The following VCPIP1 variants were observed in gnomAD, a reference collection of about 807,000 sequenced individuals.
The protein encoded by VCPIP1 is valosin containing protein interacting protein 1.
In VCPIP1, 8 loss-of-function variants were observed where a neutral mutation model predicts 85.0. The ratio of observed to expected loss-of-function variants is 0.09; its 90% CI spans 0.06 to 0.17. VCPIP1 has a LOEUF of 0.17. Among genes scored for constraint, VCPIP1 ranks in the 10% least tolerant of loss-of-function variants. VCPIP1 has a pLI of 1.00. For synonymous variants in VCPIP1, 543 were observed against 544.5 expected, an observed-to-expected ratio of 1.00 and a Z score of 0.04; for missense variants, 1,070 against 1,486.3, an observed-to-expected ratio of 0.72 and a Z score of 4.61.
At chr8:66,659,199 A>T (rs1027500914) in intron 1 of VCPIP1, among the ~76,000 whole-genome samples, 1 of 144,902 alleles carries the variant, frequency 6.9e-6, no homozygotes, top group Non-Finnish European at 1.5e-5. Flanking sequence ...TCTACAAGAA[A>T]TTTTTTTTTT....
chr8:66,647,203 C>T (rs1245873360), intron 2 of VCPIP1, among the ~76,000 whole-genome samples: 3 of 150,664 alleles, frequency 2.0e-5, no homozygotes, highest in Admixed American at 1.3e-4. Context: ...TAGCCAGGCG[C>T]GGTGGCAGGC....
intron 2 of VCPIP1, among the ~76,000 whole-genome samples, chr8:66,638,449 T>C (rs1175764362): frequency 5.9e-5 from 8 of 135,656 alleles, no homozygotes; most frequent in African/African-American, 2.2e-4. Flanking sequence ...ATCATACCAC[T>C]GCGCTCCAGC....
At chr8:66,650,286 T>C (rs1044076315) in intron 2 of VCPIP1, among the ~76,000 whole-genome samples, 1 of 152,186 alleles carries the variant, frequency 6.6e-6, no homozygotes, top group Non-Finnish European at 1.5e-5. Flanking sequence ...CTTGCTACTT[T>C]TGTATATGTT....
intron 2 of VCPIP1, among the ~76,000 whole-genome samples, chr8:66,636,530 G>A (rs1240661172): frequency 2.0e-5 from 3 of 152,000 alleles, no homozygotes; most frequent in African/African-American, 7.3e-5. Context: ...AGATCATGAG[G>A]TCAGGAGTTT....
chr8:66,659,199 A>AT (rs34749864), intron 1 of VCPIP1, among the ~76,000 whole-genome samples: 190 of 144,912 alleles, frequency 1.3e-3, no homozygotes, highest in Middle Eastern at 0.011. Context: ...TCTACAAGAA[A>AT]TTTTTTTTTT....
At chr8:66,643,088 C>T (rs1449280934) in intron 2 of VCPIP1, among the ~76,000 whole-genome samples, 1 of 151,812 alleles carries the variant, frequency 6.6e-6, no homozygotes, top group African/African-American at 2.4e-5. Context: ...TTTGGGAGCC[C>T]GAGGTGTGCA....
rs1448544151 is a variant in VCPIP1, at chr8:66,665,713, C to A, written c.1246G>T (p.Ala416Ser). 1.9e-6 allele frequency: 3 copies of A among 1,614,126 alleles called. No homozygotes were observed. Among genetic ancestry groups the A allele is most frequent in the East Asian group, 4.5e-5 (2 of 44,894 alleles). ...QDKYLLRLVAAMEEVFMDKHG... is the reference protein window; with the variant it reads ...QDKYLLRLVASMEEVFMDKHG... ...TTGTCCATAAAGACTTCTTCCATAGCAGCAACAAGCCTAAGTAAGTATTTA... is the reference window on the plus strand; with the variant it reads ...TTGTCCATAAAGACTTCTTCCATAGAAGCAACAAGCCTAAGTAAGTATTTA... Residue 416 changes from alanine (A) to serine (S), a missense_variant, in exon 1 of 3, where the codon GCT becomes TCT. Ala to Ser is a moderately conservative substitution (Grantham distance 99, BLOSUM62 1). This residue lies in a region of VCPIP1 where 83 missense variants were observed against 134.6 expected (regional missense o/e 0.62). Coordinates refer to ENST00000310421, the MANE Select transcript of VCPIP1 (RefSeq NM_025054.5). The surrounding 1 kb of genome is among the most constrained non-coding windows in gnomAD (Gnocchi z 4.3).
At chr8:66,653,805 A>C (rs927121646) in intron 1 of VCPIP1, among the ~76,000 whole-genome samples, 11 of 152,176 alleles carry the variant, frequency 7.2e-5, no homozygotes, top group African/African-American at 1.2e-4. Flanking sequence ...CCATGTCCTC[A>C]TGATATTTGA....
In VCPIP1 at chr8:66,665,654, G is replaced by A. The variant is rs766411660; in HGVS notation, c.1305C>T (p.Val435=). 3 of 1,613,992 alleles carry A rather than the reference G, an allele frequency of 1.9e-6. No homozygotes were observed. In the South Asian group the frequency reaches 3.3e-5, roughly 18 times the overall value. ...CAGTCCTTCTGTAGAAATACTGATG[G>A]ACATCAGCAACCAAACTAGGATGGA... ...HGIHPSLVAD[V]HQYFYRRTGV... The change falls in exon 1 of 3, where the codon GTC becomes GTT. Residue 435 remains valine (V), a synonymous_variant. Transcript: ENST00000310421. This position sits in a 1 kb window ranked among gnomAD's most constrained non-coding sequence, Gnocchi z 4.3.
intron 2 of VCPIP1, among the ~76,000 whole-genome samples, chr8:66,646,072 AT>A (rs111341096): frequency 0.012 from 1,695 of 139,916 alleles, 12 homozygotes; most frequent in African/African-American, 0.032. Context: ...GTCAAAATGC[AT>A]TTTTTTTTTT....
At position 66,665,788 on chromosome 8, in the gene VCPIP1, G is replaced by A. The variant is rs577985836; in HGVS notation, c.1171C>T (p.Leu391Phe). ...PQDLIKKYIK[L>F]EEDGGCVIGG... ...ATAACACAACCACCATCCTCTTCAA[G>A]TTTTATGTACTTTTTAATAAGGTCC... The change falls in exon 1 of 3, where the codon CTT (leucine) becomes TTT (phenylalanine). Residue 391 changes from leucine to phenylalanine, a missense_variant. Coordinates refer to ENST00000310421, the MANE Select transcript of VCPIP1 (RefSeq NM_025054.5). The surrounding 1 kb of genome is among the most constrained non-coding windows in gnomAD (Gnocchi z 4.3). 55 of 1,614,140 alleles carry A rather than the reference G, an allele frequency of 3.4e-5. No homozygotes were observed. The South Asian group carries it at 5.9e-4, about 17-fold the overall frequency.
rs981132774 is a variant in VCPIP1 at position 66,629,377 on chromosome 8, G to C, written c.*5124C>G. 6.6e-6 allele frequency: 1 copy of C among 152,116 alleles called. No individual in the cohort carries two copies. Among genetic ancestry groups the C allele is most frequent in the Admixed American group, 6.5e-5 (1 of 15,272 alleles). The allele number at this position is 152,116 out of a possible 1,614,324, so 9.4% of individuals were successfully genotyped here. A position where few individuals can be genotyped will look rare whatever the true frequency, so the allele number is the denominator to read the frequency against. On this transcript the variant is annotated 3_prime_UTR_variant, in exon 3 of 3. Coordinates refer to ENST00000310421, the MANE Select transcript of VCPIP1 (RefSeq NM_025054.5). Reference sequence around the variant, plus strand: ...TATACAATAAAACTTGGAAGTAAACGTGTTGACTGCTAAGCTACACAAACG... The same window carrying C: ...TATACAATAAAACTTGGAAGTAAACCTGTTGACTGCTAAGCTACACAAACG...
At chr8:66,641,996 C>T (rs558834707) in intron 2 of VCPIP1, among the ~76,000 whole-genome samples, 1 of 152,140 alleles carries the variant, frequency 6.6e-6, no homozygotes, top group African/African-American at 2.4e-5. Context: ...CTACATTTAA[C>T]CTTTTGAGGA....
At chr8:66,652,282 G>A (rs543468986) in intron 1 of VCPIP1, among the ~76,000 whole-genome samples, 14 of 152,340 alleles carry the variant, frequency 9.2e-5, no homozygotes, top group African/African-American at 3.4e-4. Context: ...AAACTAGTCT[G>A]TAAACTCTGT....
chr8:66,663,930 T>C (rs1040430009), intron 1 of VCPIP1, among the ~76,000 whole-genome samples: 1 of 152,184 alleles, frequency 6.6e-6, no homozygotes, highest in Non-Finnish European at 1.5e-5. Context: ...GCAGGATCAA[T>C]AGAGCCTACC....
chr8:66,638,480 C>A (rs1486472521), intron 2 of VCPIP1, among the ~76,000 whole-genome samples: 134 of 118,644 alleles, frequency 1.1e-3, no homozygotes, highest in Admixed American at 1.2e-3. Flanking sequence ...AACCCCATCT[C>A]AAAAAAAAAA....
Position 66,666,443 on chromosome 8 carries a change from T to C in VCPIP1, c.516A>G (p.Pro172=). ...CATAGCCCACAGTGTTAACATGCTC[T>C]GGTTCTATGAGGAAGGCGCGGTCAC... ...LLGDRAFLIE[P]EHVNTVGYGK... Residue 172 remains proline, a synonymous_variant, in exon 1 of 3, where the codon CCA becomes CCG. Coordinates refer to ENST00000310421, the MANE Select transcript of VCPIP1 (RefSeq NM_025054.5). The surrounding 1 kb of genome is among the most constrained non-coding windows in gnomAD (Gnocchi z 6.3). The C allele has an allele frequency of 1.9e-6, 3 of 1,614,188 alleles. No homozygotes were observed. The highest frequency in any genetic ancestry group is 2.5e-6 in the Non-Finnish European group (3 of 1,180,032).
At chr8:66,652,425 C>T (rs1320297161) in intron 1 of VCPIP1, among the ~76,000 whole-genome samples, 1 of 152,000 alleles carries the variant, frequency 6.6e-6, no homozygotes, top group East Asian at 1.9e-4. Context: ...ACCAGCCTGG[C>T]CAACATGGTG....
At position 66,666,640 on chromosome 8, in the gene VCPIP1, T is replaced by C. The variant is rs1811214665; in HGVS notation, c.319A>G (p.Thr107Ala). The change falls in exon 1 of 3, where the codon ACG (threonine) becomes GCG (alanine). Residue 107 changes from threonine (T) to alanine (A), a missense_variant. Thr to Ala is a moderately conservative substitution (Grantham distance 58). This residue lies in a region of VCPIP1 where 164 missense variants were observed against 158.6 expected (regional missense o/e 1.03). Transcript: ENST00000310421. This position sits in a 1 kb window ranked among gnomAD's most constrained non-coding sequence, Gnocchi z 6.3. The part of the protein sequence containing the change: ...NLLRNALLGV[T>A]GAPKKNTELV... Reference sequence around the variant, plus strand: ...TCCGTGTTCTTCTTGGGTGCCCCCGTAACCCCGAGCAGCGCGTTCCGCAGC... The same window carrying C: ...TCCGTGTTCTTCTTGGGTGCCCCCGCAACCCCGAGCAGCGCGTTCCGCAGC... 6.2e-7 allele frequency: 1 copy of C among 1,614,154 alleles called. No individual in the cohort carries two copies. The highest frequency in any genetic ancestry group is 8.5e-7 in the Non-Finnish European group (1 of 1,180,026).
Sources: allele counts gnomAD v4.1 joint callset (sites outside exome capture counted in the v4.1 genomes callset), GRCh38; gene constraint gnomAD v4.1.1; regional missense constraint gnomAD v4.1.1; non-coding constraint Gnocchi (gnomAD v3.1); transcripts MANE v1.5; gene names NCBI Gene and HGNC (gene_info 2026-07-23, HGNC 2026-07-21).